Variants in SLC37A1 observed in about 807,000 individuals in gnomAD.
SLC37A1 encodes glucose-6-phosphate exchanger SLC37A1.
Under a neutral mutation model 75.3 loss-of-function variants are expected in SLC37A1, and 49 were observed. The ratio of observed to expected loss-of-function variants is 0.65; its 90% CI spans 0.52 to 0.83. The LOEUF (loss-of-function observed/expected upper bound fraction) is 0.83, where lower values mean the gene tolerates loss of function less well. Ranked by LOEUF, SLC37A1 falls within the 40% of genes least tolerant of loss-of-function variation. The pLI, the probability that SLC37A1 is intolerant of heterozygous loss-of-function variation, is 0.00. For missense variants in SLC37A1, 566 were observed against 695.0 expected (o/e 0.81, Z 2.09); for synonymous variants, 268 against 292.1 (o/e 0.92, Z 0.84).
chr21:42,567,946 G>C (rs1201668586), intron 16 of SLC37A1, among the ~76,000 whole-genome samples: 1 of 152,224 alleles, frequency 6.6e-6, no homozygotes, highest in Admixed American at 6.5e-5. Context: ...CATCTGACAG[G>C]GGTCCCAGGA....
chr21:42,540,203 G>A (rs545146364), intron 6 of SLC37A1, among the ~76,000 whole-genome samples: 1 of 152,212 alleles, frequency 6.6e-6, no homozygotes, highest in Non-Finnish European at 1.5e-5. Flanking sequence ...AACACACAGC[G>A]GGACAGGGCG....
At chr21:42,562,289 C>A in intron 12 of SLC37A1, 121 bp downstream of exon 12, 1 of 827,532 alleles carries the variant, frequency 1.2e-6, no homozygotes, top group Non-Finnish European at 2.0e-6. Flanking sequence ...TTGAGAGGTA[C>A]ACCTTTGAAT....
intron 8 of SLC37A1, among the ~76,000 whole-genome samples, chr21:42,544,631 G>A (rs1198200806): frequency 1.3e-5 from 2 of 152,212 alleles, no homozygotes; most frequent in Non-Finnish European, 2.9e-5. Context: ...TTCTGCAGAG[G>A]CTGAGTAAGC....
chr21:42,542,904 GCTTTTA>G (rs1161786263), intron 7 of SLC37A1, among the ~76,000 whole-genome samples: 4 of 152,276 alleles, frequency 2.6e-5, no homozygotes, highest in Non-Finnish European at 5.9e-5. Context: ...TTTGTAAATG[GCTTTTA>G]TTTTATACAG....
chr21:42,543,031 G>A (rs1219749107), intron 7 of SLC37A1, among the ~76,000 whole-genome samples: 1 of 152,254 alleles, frequency 6.6e-6, no homozygotes. Flanking sequence ...GCGTCATCAG[G>A]TCTTAAGTCT....
At chr21:42,564,146 A>C (rs529195705) in intron 13 of SLC37A1, among the ~76,000 whole-genome samples, 1 of 144,334 alleles carries the variant, frequency 6.9e-6, no homozygotes, top group South Asian at 2.2e-4. Context: ...GCACTGTGGG[A>C]TGCTGAGTTG....
intron 5 of SLC37A1, among the ~76,000 whole-genome samples, chr21:42,536,899 G>T (rs1601705091): frequency 1.3e-5 from 2 of 152,188 alleles, no homozygotes; most frequent in Non-Finnish European, 2.9e-5. Flanking sequence ...TGGGGACCAA[G>T]CCTCAACACA....
At chr21:42,529,960 C>A (rs1394516400) in intron 3 of SLC37A1, among the ~76,000 whole-genome samples, 4 of 152,068 alleles carry the variant, frequency 2.6e-5, no homozygotes, top group African/African-American at 9.7e-5. Context: ...GGGAATTTCA[C>A]CCTAAAAATA....
chr21:42,545,874 A>G lies in SLC37A1; in HGVS notation c.731-1229A>G, dbSNP rs949198411. On this transcript the variant is annotated intron_variant, in intron 8 of 19. Coordinates refer to ENST00000352133, the MANE Select transcript of SLC37A1 (RefSeq NM_001320537.2). This position sits in a 1 kb window ranked among gnomAD's most constrained non-coding sequence, Gnocchi z 4.0. Reference sequence around the variant, plus strand: ...AGGACAGGAGGGCGACGCACCCCACAGCCAGCCACGGACCTCTGGGTGCAG... The same window carrying G: ...AGGACAGGAGGGCGACGCACCCCACGGCCAGCCACGGACCTCTGGGTGCAG... Among the ~76,000 whole-genome samples, 1 of 152,270 alleles carries G rather than the reference A, an allele frequency of 6.6e-6. No individual in the cohort carries two copies. Among genetic ancestry groups the G allele is most frequent in the African/African-American group, 2.4e-5 (1 of 41,472 alleles).
chr21:42,513,756 G>C (rs2054466378), upstream of SLC37A1: 1 of 147,240 alleles, frequency 6.8e-6, no homozygotes, highest in African/African-American at 2.4e-5. Context: ...CGGGGGTCGC[G>C]GCGGCCGGGG....
chr21:42,578,551 G>A (rs959837478), intron 18 of SLC37A1, among the ~76,000 whole-genome samples: 2 of 152,214 alleles, frequency 1.3e-5, no homozygotes, highest in East Asian at 1.9e-4. Flanking sequence ...ATAAGCCTGT[G>A]CCGGTAGTTG....
chr21:42,511,254 T>C (rs9985018), upstream of SLC37A1, among the ~76,000 whole-genome samples: 6,522 of 152,220 alleles, frequency 0.043, 474 homozygotes, highest in African/African-American at 0.15. Flanking sequence ...TCAAAGAAGA[T>C]ATCAAAAGGG....
intron 8 of SLC37A1, 37 bp downstream of exon 8, chr21:42,543,639 G>A (rs376031738): frequency 1.9e-6 from 3 of 1,546,646 alleles, no homozygotes; most frequent in Non-Finnish European, 2.6e-6. Context: ...CCCACCAAGG[G>A]AGGCCTCGGA....
At chr21:42,563,942 A>G (rs1569032621) in intron 13 of SLC37A1, 65 bp downstream of exon 13, 1 of 1,560,318 alleles carries the variant, frequency 6.4e-7, no homozygotes, top group Non-Finnish European at 8.8e-7. Flanking sequence ...CTCTGAGTTG[A>G]TTCACTGCTC....
chr21:42,522,725 A>G (rs183399969), intron 2 of SLC37A1, among the ~76,000 whole-genome samples: 46 of 152,304 alleles, frequency 3.0e-4, no homozygotes, highest in African/African-American at 1.0e-3. Flanking sequence ...TGGACCCTTC[A>G]CCCAATTCTA....
intron 3 of SLC37A1, among the ~76,000 whole-genome samples, chr21:42,533,285 G>T (rs1440506906): frequency 6.6e-6 from 1 of 152,096 alleles, no homozygotes; most frequent in African/African-American, 2.4e-5. Context: ...TCCCCCTAAG[G>T]GACACCCCTC....
intron 5 of SLC37A1, among the ~76,000 whole-genome samples, chr21:42,538,941 T>C (rs146346559): frequency 1.1e-3 from 173 of 152,328 alleles, no homozygotes; most frequent in African/African-American, 3.9e-3. Flanking sequence ...GACCTTACCA[T>C]AGAGCAAATC....
intron 3 of SLC37A1, among the ~76,000 whole-genome samples, chr21:42,526,888 T>C (rs966116275): frequency 3.3e-5 from 5 of 152,220 alleles, no homozygotes; most frequent in African/African-American, 1.2e-4. Context: ...TAAACACTCA[T>C]CCGCTTGACA....
intron 3 of SLC37A1, among the ~76,000 whole-genome samples, chr21:42,533,890 C>T (rs2055062783): frequency 6.6e-6 from 1 of 152,230 alleles, no homozygotes; most frequent in African/African-American, 2.4e-5. Flanking sequence ...CAAGTGTCTC[C>T]AACCCTGGCC....
Sources: gnomAD v4.1 joint callset for allele counts (sites outside exome capture counted in the v4.1 genomes callset) on GRCh38, gnomAD v4.1.1 for gene constraint, Gnocchi (gnomAD v3.1) non-coding constraint, MANE v1.5 for transcripts, NCBI Gene and HGNC (gene_info 2026-07-23, HGNC 2026-07-21) for gene names.